The following USP28 variants were observed in gnomAD, a reference collection of about 807,000 sequenced individuals.
USP28 encodes ubiquitin specific peptidase 28.
USP28 carries 113 observed loss-of-function variants against 145.0 expected under a neutral mutation model. That is an observed-to-expected ratio of 0.78 (90% CI 0.67 to 0.91). The LOEUF is 0.91. USP28 is among the 40% of genes least tolerant of loss of function. The pLI is 0.00. For missense variants in USP28, 1,201 were observed against 1,289.6 expected (o/e 0.93, Z 1.05); for synonymous variants, 447 against 450.9 (o/e 0.99, Z 0.11).
exon 13 of USP28, chr11:113,817,724 T>C: frequency 6.2e-7 from 1 of 1,614,248 alleles, no homozygotes; most frequent in Non-Finnish European, 8.5e-7. Flanking sequence ...CATATGTGTG[T>C]CACTTTCAGG....
At chr11:113,844,106 T>C (rs531211487) in intron 3 of USP28, among the ~76,000 whole-genome samples, 1 of 151,588 alleles carries the variant, frequency 6.6e-6, no homozygotes, top group African/African-American at 2.4e-5. Flanking sequence ...AAAGAAAAAA[T>C]AGATTAAAAA....
At chr11:113,802,372 A>G (rs747480700) in intron 23 of USP28, among the ~76,000 whole-genome samples, 1 of 152,256 alleles carries the variant, frequency 6.6e-6, no homozygotes, top group East Asian at 1.9e-4. Flanking sequence ...GCTATTGAGT[A>G]TATGTCATGA....
intron 9 of USP28, among the ~76,000 whole-genome samples, chr11:113,830,497 A>G (rs1943862405): frequency 6.6e-6 from 1 of 152,216 alleles, no homozygotes; most frequent in African/African-American, 2.4e-5. Flanking sequence ...AAAAGCCTCT[A>G]GTCTAGAAAA....
chr11:113,842,783 T>A (rs1249959208), intron 3 of USP28, among the ~76,000 whole-genome samples: 1 of 152,032 alleles, frequency 6.6e-6, no homozygotes, highest in South Asian at 2.1e-4. Flanking sequence ...GAAAAAAATA[T>A]CCTTAGGCTG....
In USP28 at chr11:113,808,338, C is replaced by T. The variant is rs146774708; in HGVS notation, c.2264G>A (p.Arg755His). 3,737 of 1,613,910 alleles carry T rather than the reference C, an allele frequency of 2.3e-3. 6 individuals are homozygous for T. The highest frequency in any genetic ancestry group is 2.9e-3 in the Non-Finnish European group (3,440 of 1,180,024). ...TTCTACACCGCTCTTCTCATAGGCA[C>T]GGGCTGTGTTTGCAATAGCCTGGGC... is the stretch of plus-strand genomic sequence containing the variant. Residue 755 changes from arginine to histidine, a missense_variant, in exon 18 of 25, where the codon CGT becomes CAT. Coordinates refer to ENST00000003302, the Ensembl canonical transcript of USP28.
chr11:113,866,907 G>A (rs1948308962), intron 1 of USP28, among the ~76,000 whole-genome samples: 1 of 152,140 alleles, frequency 6.6e-6, no homozygotes, highest in Non-Finnish European at 1.5e-5. Flanking sequence ...TCCGTCAATG[G>A]AAGAATGGAC....
At chr11:113,842,415 C>A (rs188150253) in intron 3 of USP28, among the ~76,000 whole-genome samples, 2 of 151,946 alleles carry the variant, frequency 1.3e-5, no homozygotes, top group African/African-American at 4.8e-5. Context: ...GAAACCCCGT[C>A]TCTACTAAAA....
intron 10 of USP28, 130 bp from the exon 11 acceptor site, chr11:113,827,490 C>T (rs1943512574): frequency 6.7e-6 from 6 of 893,696 alleles, no homozygotes; most frequent in African/African-American, 1.8e-5. Flanking sequence ...CAAACTCATA[C>T]TAGAACTTTT....
intron 1 of USP28, among the ~76,000 whole-genome samples, chr11:113,858,193 G>A (rs1387193347): frequency 3.3e-5 from 5 of 152,124 alleles, no homozygotes; most frequent in African/African-American, 1.2e-4. Context: ...AGGCTACTGG[G>A]TAGAGATGAC....
At chr11:113,835,189 T>C in intron 5 of USP28, 1 of 428,448 alleles carries the variant, frequency 2.3e-6, no homozygotes, top group Non-Finnish European at 4.6e-6. Flanking sequence ...GCAAATCACA[T>C]TTTTCTACTA....
intron 24 of USP28, among the ~76,000 whole-genome samples, 181 bp downstream of exon 25, chr11:113,801,302 A>G (rs1478237351): frequency 6.6e-6 from 1 of 152,214 alleles, no homozygotes; most frequent in Admixed American, 6.5e-5. Context: ...AGGGAGGTTA[A>G]GAGGGGCAGA....
chr11:113,828,700 TC>T (rs1246630837), intron 10 of USP28: 1 of 312,852 alleles, frequency 3.2e-6, no homozygotes, highest in South Asian at 2.7e-5. Flanking sequence ...CCCTTTAACT[TC>T]CCCCGTCTTT....
intron 1 of USP28, chr11:113,874,953 T>G: frequency 1.0e-6 from 1 of 973,680 alleles, no homozygotes; most frequent in Non-Finnish European, 1.2e-6. Context: ...GGGAGGGAAG[T>G]GGTGGTAACT....
intron 1 of USP28, among the ~76,000 whole-genome samples, chr11:113,873,193 A>C (rs1949005234): frequency 6.6e-6 from 1 of 152,250 alleles, no homozygotes; most frequent in African/African-American, 2.4e-5. Context: ...GAAGTTATTA[A>C]AATCTTTCCT....
At chr11:113,821,727 T>C (rs1209921168) in intron 12 of USP28, 3 of 198,242 alleles carry the variant, frequency 1.5e-5, no homozygotes, top group Admixed American at 9.6e-5. Flanking sequence ...TGAGTGCAAC[T>C]TGGGTGTCTT....
intron 19 of USP28, among the ~76,000 whole-genome samples, chr11:113,805,255 T>C (rs1447772240): frequency 2.4e-5 from 2 of 81,674 alleles, no homozygotes; most frequent in African/African-American, 5.2e-5. Flanking sequence ...AAAAACATAC[T>C]GTACTTTTTT....
chr11:113,851,554 G>A (rs10891600), intron 3 of USP28, among the ~76,000 whole-genome samples: 77,602 of 151,996 alleles, frequency 0.51, 20,977 homozygotes, highest in Non-Finnish European at 0.61. Context: ...CTAGCACTCT[G>A]GGAGGCTGAG....
chr11:113,868,644 G>A (rs898039992), intron 1 of USP28, among the ~76,000 whole-genome samples: 1 of 152,146 alleles, frequency 6.6e-6, no homozygotes, highest in African/African-American at 2.4e-5. Context: ...AAAAGAGATA[G>A]GTACCATGGT....
intron 1 of USP28, chr11:113,874,397 C>A: frequency 1.0e-6 from 1 of 987,770 alleles, no homozygotes; most frequent in Non-Finnish European, 1.3e-6. Flanking sequence ...AGCACTCCAG[C>A]CTAGGCAACA....
Sources: allele counts gnomAD v4.1 joint callset (sites outside exome capture counted in the v4.1 genomes callset), GRCh38; gene constraint gnomAD v4.1.1; transcripts MANE v1.5; gene names NCBI Gene and HGNC (gene_info 2026-07-23, HGNC 2026-07-21).